LY96: variants seen among roughly 807,000 people sequenced by gnomAD.
LY96 encodes the protein lymphocyte antigen 96.
In LY96, 18 loss-of-function variants were observed where a neutral mutation model predicts 18.9. The ratio of observed to expected loss-of-function variants is 0.95; its 90% CI spans 0.66 to 1.41. LY96 has a LOEUF of 1.41. Among genes scored for constraint, LY96 ranks in the 40% most tolerant of loss-of-function variants. The pLI is 0.00. For synonymous variants in LY96, 66 were observed against 62.6 expected (o/e 1.06, Z -0.26); for missense variants, 175 against 182.4 (o/e 0.96, Z 0.23).
the LY96 span, among the ~76,000 whole-genome samples, chr8:74,072,871 G>A: frequency 1.3e-5 from 2 of 152,182 alleles, no homozygotes; most frequent in African/African-American, 4.8e-5. Flanking sequence ...GAGCATGCGG[G>A]TGCCTCAGTC....
At chr8:74,089,400 G>A in the LY96 span, among the ~76,000 whole-genome samples, 1,056 of 152,074 alleles carry the variant, frequency 6.9e-3, 14 homozygotes, top group African/African-American at 0.02. Flanking sequence ...CTGGCACAGG[G>A]CCCCTCTGAG....
the LY96 span, among the ~76,000 whole-genome samples, chr8:74,074,692 TATC>T: frequency 6.6e-6 from 1 of 152,222 alleles, no homozygotes; most frequent in Non-Finnish European, 1.5e-5. Flanking sequence ...GTGTTTCTAT[TATC>T]ATTTGTTTCA....
the LY96 span, among the ~76,000 whole-genome samples, chr8:74,036,338 G>T: frequency 6.6e-6 from 1 of 152,132 alleles, no homozygotes; most frequent in Admixed American, 6.6e-5. Flanking sequence ...AGGAGTAGTG[G>T]GGTCAGAGGT....
chr8:74,026,614 G>T (rs1460214496), intron 3 of LY96, among the ~76,000 whole-genome samples, 175 bp from the exon 4 acceptor site: 2 of 152,158 alleles, frequency 1.3e-5, no homozygotes, highest in Non-Finnish European at 2.9e-5. Context: ...GGCTCTAGGG[G>T]CGGAGAAAGG....
chr8:74,041,011 A>G, the LY96 span, among the ~76,000 whole-genome samples: 2 of 152,182 alleles, frequency 1.3e-5, no homozygotes, highest in Admixed American at 6.5e-5. Context: ...TTAAATATTT[A>G]CTTAAAATTA....
At chr8:74,025,157 A>G (rs1453696145) in intron 3 of LY96, among the ~76,000 whole-genome samples, 1 of 152,166 alleles carries the variant, frequency 6.6e-6, no homozygotes, top group African/African-American at 2.4e-5. Flanking sequence ...TATATCTCCA[A>G]TAGACTTTAG....
chr8:74,093,551 T>C, the LY96 span, among the ~76,000 whole-genome samples: 1 of 152,256 alleles, frequency 6.6e-6, no homozygotes, highest in African/African-American at 2.4e-5. Flanking sequence ...TACCACAGTG[T>C]AGAGTTCTTC....
the LY96 span, among the ~76,000 whole-genome samples, chr8:74,065,033 G>A: frequency 6.6e-6 from 1 of 152,148 alleles, no homozygotes; most frequent in African/African-American, 2.4e-5. Context: ...TGGTCCAAGC[G>A]AAACCTGAAA....
intron 3 of LY96, among the ~76,000 whole-genome samples, chr8:74,025,148 A>G (rs887270954): frequency 6.6e-6 from 1 of 152,176 alleles, no homozygotes; most frequent in African/African-American, 2.4e-5. Flanking sequence ...TTAAATATCT[A>G]TATCTCCAAT....
chr8:74,022,991 T>C (rs555769830), intron 3 of LY96, among the ~76,000 whole-genome samples: 1 of 152,278 alleles, frequency 6.6e-6, no homozygotes, highest in African/African-American at 2.4e-5. Context: ...CAGGGCCCCA[T>C]ATACGGAAGG....
chr8:74,015,976 A>T (rs1238698804), intron 3 of LY96, among the ~76,000 whole-genome samples: 2 of 152,148 alleles, frequency 1.3e-5, no homozygotes, highest in African/African-American at 4.8e-5. Flanking sequence ...CTGCATTTCC[A>T]ACTGAGGTAC....
At chr8:74,047,154 C>T in the LY96 span, among the ~76,000 whole-genome samples, 1 of 152,168 alleles carries the variant, frequency 6.6e-6, no homozygotes, top group Non-Finnish European at 1.5e-5. Flanking sequence ...TCCCAAAGTG[C>T]TGGGATTACA....
chr8:74,027,429 C>T (rs1010766413), intron 4 of LY96, among the ~76,000 whole-genome samples: 5 of 151,548 alleles, frequency 3.3e-5, no homozygotes, highest in East Asian at 1.9e-4. Flanking sequence ...CTCAACCACC[C>T]GAGTAGCTGG....
chr8:74,022,617 C>T (rs1197684237), intron 3 of LY96, among the ~76,000 whole-genome samples: 3 of 141,468 alleles, frequency 2.1e-5, no homozygotes, highest in South Asian at 2.2e-4. Context: ...CTCGCCCTGT[C>T]GCCCAGGCTG....
At chr8:74,095,162 C>A in the LY96 span, among the ~76,000 whole-genome samples, 1 of 152,174 alleles carries the variant, frequency 6.6e-6, no homozygotes, top group Non-Finnish European at 1.5e-5. Flanking sequence ...TGAACTGGGT[C>A]CAGGTTTCAT....
chr8:74,099,817 G>A, the LY96 span: 2 of 152,168 alleles, frequency 1.3e-5, no homozygotes, highest in Non-Finnish European at 2.9e-5. Context: ...CCTGCAGGCT[G>A]AAACTCTTCA....
the LY96 span, among the ~76,000 whole-genome samples, chr8:74,085,285 G>A: frequency 4.1e-4 from 62 of 152,306 alleles, no homozygotes; most frequent in Non-Finnish European, 8.1e-4. Flanking sequence ...TAAAACCTAT[G>A]ATTGTCTGGT....
At chr8:74,080,472 A>G in the LY96 span, among the ~76,000 whole-genome samples, 3 of 152,336 alleles carry the variant, frequency 2.0e-5, no homozygotes, top group South Asian at 6.2e-4. Context: ...CAGCAATTCC[A>G]TGGCCAAGTG....
At chr8:74,062,046 C>G in the LY96 span, among the ~76,000 whole-genome samples, 4 of 152,198 alleles carry the variant, frequency 2.6e-5, no homozygotes, top group Non-Finnish European at 4.4e-5. Flanking sequence ...AAGCTAAGAA[C>G]TGATACTTTT....
Sources: gnomAD v4.1 joint callset for allele counts (sites outside exome capture counted in the v4.1 genomes callset) on GRCh38, gnomAD v4.1.1 for gene constraint, MANE v1.5 for transcripts, NCBI Gene and HGNC (gene_info 2026-07-23, HGNC 2026-07-21) for gene names.